Variants in TEX11 observed in about 807,000 individuals in gnomAD.
The protein encoded by TEX11 is testis-expressed protein 11.
Under a neutral mutation model 84.4 loss-of-function variants are expected in TEX11, and 7 were observed. The ratio of observed to expected loss-of-function variants is 0.08; its 90% CI spans 0.05 to 0.16. The LOEUF (loss-of-function observed/expected upper bound fraction) is 0.16. Ranked by LOEUF, TEX11 falls within the 10% of genes least tolerant of loss-of-function variation. The pLI is 1.00. For synonymous variants in TEX11, 264 were observed against 222.8 expected, an observed-to-expected ratio of 1.18 and a Z score of -1.64; for missense variants, 551 against 660.5, an observed-to-expected ratio of 0.83 and a Z score of 1.82.
chrX:70,829,036 C>T (rs988496379), intron 8 of TEX11, among the ~76,000 whole-genome samples: 1 of 111,832 alleles, frequency 8.9e-6, no homozygotes, highest in Non-Finnish European at 1.9e-5. Context: ...GAAATAAAGA[C>T]TTTCCCAGAC....
chrX:70,782,247 C>A (rs960656714), intron 9 of TEX11, among the ~76,000 whole-genome samples: 1 of 111,361 alleles, frequency 9.0e-6, no homozygotes, highest in African/African-American at 3.3e-5. Context: ...GAAATAAAAT[C>A]CTTTACAGAC....
intron 13 of TEX11, among the ~76,000 whole-genome samples, chrX:70,717,102 A>T (rs192268309): frequency 9.0e-6 from 1 of 110,901 alleles, no homozygotes; most frequent in African/African-American, 3.3e-5. Flanking sequence ...ACTAGGATCT[A>T]ATAAGTATAT....
chrX:70,774,730 T>G (rs2090991419), intron 9 of TEX11, among the ~76,000 whole-genome samples: 1 of 111,386 alleles, frequency 9.0e-6, no homozygotes, highest in African/African-American at 3.3e-5. Flanking sequence ...AAAAAAGATA[T>G]CCCATGTTCA....
At chrX:70,790,342 A>G (rs930608139) in intron 9 of TEX11, among the ~76,000 whole-genome samples, 4 of 111,343 alleles carry the variant, frequency 3.6e-5, no homozygotes, top group Non-Finnish European at 1.9e-5. Flanking sequence ...GAAACTGGGA[A>G]CTCCGCATGG....
chrX:70,770,094 G>C (rs1399105211), intron 9 of TEX11, among the ~76,000 whole-genome samples: 1 of 111,323 alleles, frequency 9.0e-6, no homozygotes, highest in Admixed American at 9.6e-5. Context: ...TGCCAGCTCT[G>C]AGACCTTCCC....
At chrX:70,645,274 C>A (rs1369930497) in intron 17 of TEX11, among the ~76,000 whole-genome samples, 1 of 109,680 alleles carries the variant, frequency 9.1e-6, no homozygotes, top group East Asian at 2.9e-4. Flanking sequence ...CAAAATTCAA[C>A]ATCATTCCAT....
Position 70,682,760 on chromosome X carries a change from C to A in TEX11, c.1070G>T (p.Gly357Val). 8.3e-7 allele frequency: 1 copy of A among 1,209,008 alleles called. No individual in the cohort carries two copies. The highest frequency in any genetic ancestry group is 1.1e-6 in the Non-Finnish European group (1 of 893,687). ...HERFKSSENIGKVLILHTDML... is the reference protein window; with the variant it reads ...HERFKSSENIVKVLILHTDML... Reference sequence around the variant, plus strand: ...GTCAGTATGGAGTATCAGAACTTTTCCAATATTTTCCGATGACTTAAAACG... The same window carrying A: ...GTCAGTATGGAGTATCAGAACTTTTACAATATTTTCCGATGACTTAAAACG... The change falls in exon 14 of 30, where the codon GGA becomes GTA. Residue 357 changes from glycine to valine, a missense_variant. Physicochemically the swap from Gly to Val is moderately radical, Grantham distance 109. Coordinates refer to ENST00000374333, the MANE Select transcript of TEX11 (RefSeq NM_031276.3).
At chrX:70,838,901 C>T (rs954938403) in intron 7 of TEX11, among the ~76,000 whole-genome samples, 38 of 112,363 alleles carry the variant, frequency 3.4e-4, no homozygotes, top group Middle Eastern at 4.6e-3. Flanking sequence ...CACAGCAGTC[C>T]GAGATCAAAC....
intron 28 of TEX11, among the ~76,000 whole-genome samples, chrX:70,539,038 A>ATATATATATATATATTT: frequency 2.5e-3 from 101 of 41,219 alleles, no homozygotes; most frequent in African/African-American, 8.3e-3. Context: ...ATATATATAT[A>ATATATATATATATATTT]TTTTTTTTTT....
At chrX:70,784,782 C>A (rs951754630) in intron 9 of TEX11, among the ~76,000 whole-genome samples, 1 of 111,304 alleles carries the variant, frequency 9.0e-6, no homozygotes, top group Admixed American at 9.6e-5. Flanking sequence ...ATGTGAAGGA[C>A]CTCTTCAAGG....
chrX:70,521,935 G>A, the TEX11 span, among the ~76,000 whole-genome samples: 9 of 109,576 alleles, frequency 8.2e-5, no homozygotes, highest in South Asian at 4.0e-4. Flanking sequence ...CTCAGCTCAC[G>A]GCAACCTCTG....
chrX:70,738,850 C>G (rs1294461391), intron 11 of TEX11, among the ~76,000 whole-genome samples: 1 of 110,802 alleles, frequency 9.0e-6, no homozygotes, highest in Non-Finnish European at 1.9e-5. Flanking sequence ...AACACAGGAA[C>G]AGAAAACCAA....
Position 70,700,692 on chromosome X carries a change from A to G in TEX11, c.1005-17867T>C, listed in dbSNP as rs143340202. On this transcript the variant is annotated intron_variant, in intron 13 of 29. Transcript: ENST00000374333. Reference sequence around the variant, plus strand: ...CATTTTAAATCAAAAGCCAGTGATGATTAAGCTTGGTGAGGAAGGCATGTT... The same window carrying G: ...CATTTTAAATCAAAAGCCAGTGATGGTTAAGCTTGGTGAGGAAGGCATGTT... 2.5e-3 allele frequency among the ~76,000 whole-genome samples: 277 copies of G among 112,152 alleles called. 1 individual carries two copies. The highest frequency in any genetic ancestry group is 8.7e-3 in the African/African-American group (268 of 30,939).
the TEX11 span, among the ~76,000 whole-genome samples, chrX:70,519,698 C>T: frequency 8.9e-6 from 1 of 112,017 alleles, no homozygotes; most frequent in Non-Finnish European, 1.9e-5. Flanking sequence ...TGGATAATAT[C>T]CTGCAGAGTG....
At chrX:70,695,401 T>G (rs1569405839) in intron 13 of TEX11, among the ~76,000 whole-genome samples, 1 of 112,166 alleles carries the variant, frequency 8.9e-6, no homozygotes, top group African/African-American at 3.2e-5. Flanking sequence ...TTCATTTATA[T>G]AAAAATCTAG....
chrX:70,583,363 C>T (rs747334651), intron 25 of TEX11, among the ~76,000 whole-genome samples: 10 of 111,730 alleles, frequency 9.0e-5, no homozygotes, highest in East Asian at 5.6e-4. Flanking sequence ...CAGTATTTGA[C>T]GTTCTGGTTC....
intron 10 of TEX11, among the ~76,000 whole-genome samples, chrX:70,742,658 G>T (rs1487541127): frequency 1.8e-5 from 2 of 110,370 alleles, no homozygotes; most frequent in Non-Finnish European, 3.8e-5. Context: ...GAGCCCAGGA[G>T]TTTGAAGGTT....
chrX:70,760,874 A>T (rs78899739), intron 9 of TEX11, among the ~76,000 whole-genome samples: 8,512 of 111,867 alleles, frequency 0.076, 501 homozygotes, highest in Admixed American at 0.28. Flanking sequence ...ACAAAGGGCT[A>T]ATGTCCAGAA....
chrX:70,657,453 A>C (rs2089879175), intron 16 of TEX11, among the ~76,000 whole-genome samples: 1 of 91,665 alleles, frequency 1.1e-5, no homozygotes, highest in East Asian at 2.9e-4. Context: ...GTTGTAAAAA[A>C]TTAAAAAAAA....
Sources: allele counts gnomAD v4.1 joint callset (sites outside exome capture counted in the v4.1 genomes callset), GRCh38; gene constraint gnomAD v4.1.1; transcripts MANE v1.5; gene names NCBI Gene and HGNC (gene_info 2026-07-23, HGNC 2026-07-21).